Variants in MIAT observed in about 807,000 individuals in gnomAD.
MIAT encodes MI related novel mRNA.
chr22:26,668,034 G>T (rs1930914955), intron 5 of MIAT: 1 of 397,506 alleles, frequency 2.5e-6, no homozygotes, highest in African/African-American at 2.1e-5. Flanking sequence ...GTGTGCTGGG[G>T]GCATGAGAGA....
chr22:26,666,320 C>T, exon 4 of MIAT: 1 of 398,666 alleles, frequency 2.5e-6, no homozygotes, highest in Non-Finnish European at 4.4e-6. Flanking sequence ...CTAGTCCAGC[C>T]TCTGGCTCCC....
At chr22:26,647,037 G>A in intron 1 of MIAT, 1 of 398,106 alleles carries the variant, frequency 2.5e-6, no homozygotes, top group Non-Finnish European at 4.4e-6. Flanking sequence ...GCTTTTAAAG[G>A]AAAGACTGAC....
At chr22:26,675,390 G>A (rs969921852) in exon 5 of MIAT, 8 of 398,570 alleles carry the variant, frequency 2.0e-5, no homozygotes, top group African/African-American at 1.4e-4. Context: ...CTTGGGGAGC[G>A]ACGGATATGA....
At chr22:26,673,358 G>A (rs183574525), downstream of MIAT, 260 of 398,914 alleles carry the variant, frequency 6.5e-4, 1 homozygote, top group African/African-American at 4.7e-3. Context: ...GCTCCCTTGC[G>A]CTAACTCTTG....
exon 5 of MIAT, chr22:26,675,604 A>G (rs1931233386): frequency 2.5e-6 from 1 of 398,556 alleles, no homozygotes; most frequent in Non-Finnish European, 4.4e-6. Flanking sequence ...GTATCTCTGC[A>G]ATGACTGGAA....
intron 2 of MIAT, among the ~76,000 whole-genome samples, chr22:26,661,937 T>TCTATATAGATCC (rs1555948788): frequency 2.4e-4 from 9 of 38,120 alleles, no homozygotes; most frequent in African/African-American, 7.3e-4. Flanking sequence ...TATATATATA[T>TCTATATAGATCC]ATATATATAT....
intron 2 of MIAT, chr22:26,658,151 C>CT (rs1412975017): frequency 5.3e-5 from 1 of 18,974 alleles, no homozygotes; most frequent in African/African-American, 2.9e-4. Flanking sequence ...CCCGACCCAA[C>CT]CCCCCGAGCC....
At chr22:26,665,915 A>C (rs555673637) in exon 4 of MIAT, 50 of 398,648 alleles carry the variant, frequency 1.3e-4, no homozygotes, top group African/African-American at 9.4e-4. Flanking sequence ...TAGAACTGCT[A>C]TTAGAAGGAG....
chr22:26,649,857 G>A (rs528675302), intron 2 of MIAT, among the ~76,000 whole-genome samples: 3 of 152,330 alleles, frequency 2.0e-5, no homozygotes, highest in East Asian at 1.9e-4. Context: ...AGCTTGTAGT[G>A]AGCCGAGATC....
At chr22:26,646,859 C>G in exon 1 of MIAT, 1 of 398,460 alleles carries the variant, frequency 2.5e-6, no homozygotes, top group Non-Finnish European at 4.4e-6. Context: ...CAGAGAGGAC[C>G]ACAGGCCACA....
In MIAT at chr22:26,663,436, T is replaced by C. The variant is rs181261085; in HGVS notation, n.729+38T>C. On this transcript the variant is annotated intron_variant and non_coding_transcript_variant, in intron 3 of 5. Transcript: ENST00000643270. ...CTCTTCCTGTGTCCACTGGGGATGG[T>C]AGAGACCAGCTTAATGCTTTGAGAT... 479 of 398,606 alleles carry C rather than the reference T, an allele frequency of 1.2e-3. 4 individuals carry two copies. The East Asian group carries it at 0.016, about 13-fold the overall frequency. The allele number at this position is 398,606 out of a possible 1,614,324, so 24.7% of individuals were successfully genotyped here.
chr22:26,655,465 C>G (rs1378466437), intron 2 of MIAT, among the ~76,000 whole-genome samples: 2 of 152,158 alleles, frequency 1.3e-5, no homozygotes, highest in African/African-American at 2.4e-5. Context: ...AGAAATGTGA[C>G]AAAAGAGATG....
At position 26,676,263 on chromosome 22, in the gene MIAT, T is replaced by G. The variant is rs191717327; in HGVS notation, n.9931T>G. 3.3e-3 allele frequency: 1,309 copies of G among 398,610 alleles called. 1 individual carries two copies. Among genetic ancestry groups the G allele is most frequent in the Non-Finnish European group, 3.6e-3 (824 of 226,064 alleles). The allele number at this position is 398,610 out of a possible 1,614,324, so 24.7% of individuals were successfully genotyped here. ...TGAGAGTCTATCCAGGGACCCATTGTTTTACTTTAACAGACCAGAAAAGAT... is the reference window on the plus strand; with the variant it reads ...TGAGAGTCTATCCAGGGACCCATTGGTTTACTTTAACAGACCAGAAAAGAT... On this transcript the variant is annotated non_coding_transcript_exon_variant, in exon 5 of 5. Coordinates refer to the MIAT transcript ENST00000613780.
At chr22:26,665,134 A>G (rs534132893) in intron 3 of MIAT, among the ~76,000 whole-genome samples, 4 of 152,164 alleles carry the variant, frequency 2.6e-5, no homozygotes, top group African/African-American at 9.6e-5. Flanking sequence ...TCAGCTACTT[A>G]GGAGGCTTAG....
At chr22:26,647,645 G>C (rs1489236589) in intron 2 of MIAT, among the ~76,000 whole-genome samples, 1 of 152,150 alleles carries the variant, frequency 6.6e-6, no homozygotes, top group Non-Finnish European at 1.5e-5. Flanking sequence ...GGGTAAGGCT[G>C]CAAGGGAAGG....
downstream of MIAT, chr22:26,671,541 C>G (rs1238634880): frequency 2.5e-6 from 1 of 398,648 alleles, no homozygotes; most frequent in Non-Finnish European, 4.4e-6. Flanking sequence ...GCAGCCAGAT[C>G]CTACTAACTG....
At chr22:26,667,371 T>C in intron 5 of MIAT, 2 of 395,956 alleles carry the variant, frequency 5.1e-6, no homozygotes, top group Non-Finnish European at 8.9e-6. Flanking sequence ...CACATGTGTG[T>C]GCATGCCTGT....
downstream of MIAT, chr22:26,671,246 G>A (rs1234997100): frequency 2.8e-5 from 11 of 398,678 alleles, no homozygotes; most frequent in East Asian, 3.2e-4. Flanking sequence ...AAATAGGGAA[G>A]CAACATGCTT....
chr22:26,653,335 C>T lies in MIAT; in HGVS notation n.646+6024C>T, dbSNP rs9613237. 3.9e-5 allele frequency among the ~76,000 whole-genome samples: 6 copies of T among 152,300 alleles called. No individual in the cohort carries two copies. The South Asian group carries it at 1.0e-3, about 26-fold the overall frequency. On this transcript the variant is annotated intron_variant and non_coding_transcript_variant, in intron 2 of 5. Transcript: ENST00000643270. ...GCGTTACTCAGTTCACGGCTTGTCC[C>T]GAGTCCATCTGAGTTACAGTCTATT...
Sources: gnomAD v4.1 joint callset for allele counts (sites outside exome capture counted in the v4.1 genomes callset) on GRCh38, gnomAD v4.1.1 for gene constraint, MANE v1.5 for transcripts, NCBI Gene and HGNC (gene_info 2026-07-23, HGNC 2026-07-21) for gene names.